The following TRPM3 variants were observed in gnomAD, a reference collection of about 807,000 sequenced individuals.
The protein encoded by TRPM3 is transient receptor potential cation channel subfamily M member 3, also known as long transient receptor potential channel 3.
A neutral mutation model predicts 181.2 loss-of-function variants in TRPM3; 77 were observed. The ratio of observed to expected loss-of-function variants is 0.42; its 90% CI spans 0.35 to 0.51. The LOEUF (loss-of-function observed/expected upper bound fraction) is 0.51. TRPM3 is among the 20% of genes least tolerant of loss of function. TRPM3 has a pLI of 0.01. For synonymous variants in TRPM3, 745 were observed against 796.4 expected, an observed-to-expected ratio of 0.94 and a Z score of 1.09; for missense variants, 1,759 against 2,196.7, an observed-to-expected ratio of 0.80 and a Z score of 3.98.
intron 1 of TRPM3, among the ~76,000 whole-genome samples, chr9:71,149,690 A>C (rs952748394): frequency 5.3e-5 from 8 of 152,148 alleles, no homozygotes; most frequent in African/African-American, 1.9e-4. Flanking sequence ...ATAAACAAAA[A>C]AGCCTGGGCA....
At chr9:70,747,225 A>T (rs546150863) in intron 8 of TRPM3, among the ~76,000 whole-genome samples, 1 of 152,312 alleles carries the variant, frequency 6.6e-6, no homozygotes, top group African/African-American at 2.4e-5. Context: ...AGTTAGAGAT[A>T]TACATAAATA....
At chr9:71,402,915 CAA>C (rs1035458509) in intron 1 of TRPM3, among the ~76,000 whole-genome samples, 18 of 151,928 alleles carry the variant, frequency 1.2e-4, no homozygotes, top group African/African-American at 4.4e-4. Flanking sequence ...TCCATTCACT[CAA>C]AAAACATTAA....
intron 1 of TRPM3, among the ~76,000 whole-genome samples, chr9:71,327,105 C>A (rs2089745958): frequency 6.6e-6 from 1 of 152,246 alleles, no homozygotes; most frequent in East Asian, 1.9e-4. Context: ...TTGGTAGGAT[C>A]TGCTGTTTGG....
intron 5 of TRPM3, among the ~76,000 whole-genome samples, chr9:70,840,472 G>A (rs1279495104): frequency 6.6e-6 from 1 of 152,118 alleles, no homozygotes; most frequent in Non-Finnish European, 1.5e-5. Flanking sequence ...GATGATGGAT[G>A]CACACATTTA....
chr9:71,040,061 G>T (rs2058655188), intron 1 of TRPM3, among the ~76,000 whole-genome samples: 1 of 152,120 alleles, frequency 6.6e-6, no homozygotes, highest in African/African-American at 2.4e-5. Context: ...TACATAATGG[G>T]AATGAGAGTT....
chr9:71,268,123 G>A (rs2083513720), intron 1 of TRPM3, among the ~76,000 whole-genome samples: 1 of 152,210 alleles, frequency 6.6e-6, no homozygotes, highest in South Asian at 2.1e-4. Flanking sequence ...GCTCAAGCCT[G>A]TAATCTCAGC....
intron 9 of TRPM3, among the ~76,000 whole-genome samples, chr9:70,648,744 A>C (rs560140676): frequency 1.3e-5 from 2 of 152,348 alleles, no homozygotes; most frequent in African/African-American, 4.8e-5. Flanking sequence ...GCAATAGGGC[A>C]AGGACTCTCT....
At chr9:70,753,877 C>T (rs543834596) in intron 8 of TRPM3, among the ~76,000 whole-genome samples, 1 of 152,014 alleles carries the variant, frequency 6.6e-6, no homozygotes, top group African/African-American at 2.4e-5. Context: ...GAGGTCTGGC[C>T]GCTGTCAGGG....
intron 7 of TRPM3, among the ~76,000 whole-genome samples, chr9:70,773,232 G>A (rs539939990): frequency 1.3e-5 from 2 of 152,272 alleles, no homozygotes; most frequent in African/African-American, 4.8e-5. Flanking sequence ...AGGACAACAT[G>A]GTATAGCTGC....
At chr9:70,865,879 C>T (rs1673016778) in intron 1 of TRPM3, among the ~76,000 whole-genome samples, 1 of 152,056 alleles carries the variant, frequency 6.6e-6, no homozygotes, top group African/African-American at 2.4e-5. Context: ...ATGAAAAGAG[C>T]ACCCACCGTG....
At chr9:71,232,539 C>A (rs553955381) in intron 1 of TRPM3, among the ~76,000 whole-genome samples, 1 of 117,962 alleles carries the variant, frequency 8.5e-6, no homozygotes, top group Non-Finnish European at 1.6e-5. Context: ...CTTGCTCTGT[C>A]GCCGAGGCTG....
intron 1 of TRPM3, among the ~76,000 whole-genome samples, chr9:71,385,647 A>T (rs1350082471): frequency 1.3e-5 from 2 of 152,172 alleles, no homozygotes; most frequent in East Asian, 3.9e-4. Flanking sequence ...GTTACTATTG[A>T]TATAATTACA....
intron 25 of TRPM3, among the ~76,000 whole-genome samples, chr9:70,546,973 T>C (rs1020561915): frequency 6.6e-5 from 10 of 152,202 alleles, no homozygotes; most frequent in African/African-American, 2.2e-4. Context: ...GATTGAATAA[T>C]GATCCATTTA....
chr9:71,140,289 G>T (rs183524868), intron 1 of TRPM3, among the ~76,000 whole-genome samples: 34 of 152,266 alleles, frequency 2.2e-4, no homozygotes, highest in African/African-American at 8.2e-4. Flanking sequence ...GACAAAAAAA[G>T]TTCACCTCCT....
chr9:71,282,323 GGAAA>G (rs1414292926), intron 1 of TRPM3, among the ~76,000 whole-genome samples: 2 of 79,250 alleles, frequency 2.5e-5, no homozygotes, highest in Non-Finnish European at 5.1e-5. Context: ...AAGAAAGAAA[GGAAA>G]GAAAGAGAGA....
At chr9:71,222,107 A>G (rs2131853196) in intron 1 of TRPM3, among the ~76,000 whole-genome samples, 1 of 152,356 alleles carries the variant, frequency 6.6e-6, no homozygotes, top group African/African-American at 2.4e-5. Context: ...TGCTTTCAAT[A>G]TATTAGTTGA....
At chr9:70,742,322 T>C (rs1587689146) in intron 8 of TRPM3, among the ~76,000 whole-genome samples, 1 of 152,240 alleles carries the variant, frequency 6.6e-6, no homozygotes, top group African/African-American at 2.4e-5. Context: ...AAAATAGATA[T>C]ATAACTACAT....
chr9:70,770,809 T>C (rs116775820), intron 7 of TRPM3, among the ~76,000 whole-genome samples: 337 of 152,318 alleles, frequency 2.2e-3, no homozygotes, highest in African/African-American at 7.4e-3. Flanking sequence ...CAGTTGTTAT[T>C]ATTAAGAACA....
At chr9:71,413,950 G>A (rs1315812669) in intron 1 of TRPM3, among the ~76,000 whole-genome samples, 1 of 151,252 alleles carries the variant, frequency 6.6e-6, no homozygotes, top group Non-Finnish European at 1.5e-5. Context: ...CTCCTCACTG[G>A]TTTATACCAC....
Sources: gnomAD v4.1 joint callset for allele counts (sites outside exome capture counted in the v4.1 genomes callset) on GRCh38, gnomAD v4.1.1 for gene constraint, MANE v1.5 for transcripts, NCBI Gene and HGNC (gene_info 2026-07-23, HGNC 2026-07-21) for gene names.